The following TENM1 variants were observed in gnomAD, a reference collection of about 807,000 sequenced individuals.
TENM1 encodes teneurin transmembrane protein 1.
In TENM1, 35 loss-of-function variants were observed where a neutral mutation model predicts 174.8. The ratio of observed to expected loss-of-function variants is 0.20; its 90% CI spans 0.15 to 0.27. The LOEUF is 0.27. Ranked by LOEUF, TENM1 falls within the 10% of genes least tolerant of loss-of-function variation. The pLI, the probability that TENM1 is intolerant of heterozygous loss-of-function variation, is 1.00. For synonymous variants in TENM1, 781 were observed against 798.7 expected (o/e 0.98, Z 0.37); for missense variants, 1,633 against 2,130.1 (o/e 0.77, Z 4.59).
intron 1 of TENM1, among the ~76,000 whole-genome samples, chrX:124,949,196 A>T (rs2058446004): frequency 9.0e-6 from 1 of 111,599 alleles, no homozygotes; most frequent in African/African-American, 3.3e-5. Flanking sequence ...TGTTAAAAGC[A>T]TCTGTGAAAG....
At chrX:124,572,020 C>A (rs2049065325) in intron 11 of TENM1, among the ~76,000 whole-genome samples, 1 of 109,922 alleles carries the variant, frequency 9.1e-6, no homozygotes, top group African/African-American at 3.3e-5. Context: ...AACTCTTGAG[C>A]CCAAGTGATT....
At chrX:124,436,836 CT>C (rs755295845) in intron 23 of TENM1, among the ~76,000 whole-genome samples, 27 of 110,023 alleles carry the variant, frequency 2.5e-4, no homozygotes, top group Non-Finnish European at 4.0e-4. Flanking sequence ...ATCTCTATCT[CT>C]TGTTTTTTTC....
chrX:125,099,205 T>C, the TENM1 span, among the ~76,000 whole-genome samples: 2 of 112,034 alleles, frequency 1.8e-5, no homozygotes, highest in Non-Finnish European at 3.8e-5. Flanking sequence ...AGGTTTTTGC[T>C]AGTTTGTCTG....
the TENM1 span, among the ~76,000 whole-genome samples, chrX:124,992,512 C>A: frequency 9.0e-6 from 1 of 111,508 alleles, no homozygotes; most frequent in Admixed American, 9.6e-5. Flanking sequence ...GAAACAATAA[C>A]CCCCTTTCTC....
chrX:124,661,820 T>C (rs2051609059), intron 6 of TENM1, among the ~76,000 whole-genome samples: 1 of 111,696 alleles, frequency 9.0e-6, no homozygotes, highest in African/African-American at 3.3e-5. Flanking sequence ...ACTTGCCATA[T>C]TGCTATAGCC....
rs756573807 is a variant in TENM1, at chrX:124,768,025, A to C, written c.536-30828T>G. On this transcript the variant is annotated intron_variant, in intron 3 of 31. Coordinates refer to ENST00000422452, the Ensembl canonical transcript of TENM1. ...AATGTGTCTATCTCTCCTCTGAGGG[A>C]TTTTAAAAATTGTTGCTCTGAAAAC... Among the ~76,000 whole-genome samples the C allele has an allele frequency of 2.0e-3, 219 of 111,534 alleles. 1 individual carries two copies. Among genetic ancestry groups the C allele is most frequent in the African/African-American group, 6.6e-3 (202 of 30,750 alleles).
At chrX:124,827,106 A>G (rs1250194056) in intron 3 of TENM1, among the ~76,000 whole-genome samples, 2 of 111,679 alleles carry the variant, frequency 1.8e-5, no homozygotes, top group African/African-American at 6.5e-5. Flanking sequence ...GCTGGAGTGC[A>G]GTGGCGCGAT....
chrX:124,463,786 C>T (rs1296931958), intron 22 of TENM1, among the ~76,000 whole-genome samples: 1 of 108,534 alleles, frequency 9.2e-6, no homozygotes, highest in Non-Finnish European at 1.9e-5. Flanking sequence ...ACAGTGAAAC[C>T]AGACACTGAT....
intron 3 of TENM1, among the ~76,000 whole-genome samples, chrX:124,779,041 C>T (rs771130395): frequency 1.6e-3 from 175 of 111,476 alleles, no homozygotes; most frequent in Non-Finnish European, 2.4e-3. Context: ...ATTGGAGATA[C>T]TAGGGATCGT....
chrX:124,619,288 T>C (rs1246525014), intron 11 of TENM1, among the ~76,000 whole-genome samples: 1 of 111,876 alleles, frequency 8.9e-6, no homozygotes, highest in Non-Finnish European at 1.9e-5. Context: ...TTTACATTAA[T>C]AAATGCATGT....
At chrX:125,157,165 T>A in the TENM1 span, among the ~76,000 whole-genome samples, 1 of 112,326 alleles carries the variant, frequency 8.9e-6, no homozygotes, top group African/African-American at 3.2e-5. Flanking sequence ...CTTTATTTTT[T>A]AAAACTCTCC....
At chrX:124,377,901 C>A (rs1210009503) in exon 32 of TENM1, 2 of 112,046 alleles carry the variant, frequency 1.8e-5, no homozygotes, top group African/African-American at 6.5e-5. Flanking sequence ...TTCTATTCAG[C>A]TGAATAGGAA....
intron 11 of TENM1, among the ~76,000 whole-genome samples, chrX:124,604,443 A>G (rs767949346): frequency 2.7e-5 from 3 of 111,571 alleles, no homozygotes; most frequent in African/African-American, 9.7e-5. Context: ...TTCAAGGGAT[A>G]GAGTTCTTTA....
chrX:124,471,138 T>C (rs1322092155), intron 22 of TENM1, among the ~76,000 whole-genome samples: 1 of 83,512 alleles, frequency 1.2e-5, no homozygotes, highest in African/African-American at 4.5e-5. Flanking sequence ...TAATATATAG[T>C]AATATATAAT....
At chrX:124,600,199 A>G (rs1040423928) in intron 11 of TENM1, among the ~76,000 whole-genome samples, 3 of 110,605 alleles carry the variant, frequency 2.7e-5, no homozygotes, top group African/African-American at 9.9e-5. Context: ...TCCTTAGAGA[A>G]ATGCCTGATT....
chrX:124,628,818 G>A (rs2050695698), intron 11 of TENM1, among the ~76,000 whole-genome samples: 1 of 112,152 alleles, frequency 8.9e-6, no homozygotes, highest in Non-Finnish European at 1.9e-5. Flanking sequence ...ACATGACTAA[G>A]TTATCGATCA....
chrX:124,561,724 C>T, exon 14 of TENM1: 1 of 1,211,145 alleles, frequency 8.3e-7, no homozygotes, highest in South Asian at 1.8e-5. Context: ...AACATTGCAG[C>T]CTGTCCCACT....
Position 124,477,436 on chromosome X carries a change from T to C in TENM1, c.3949+4296A>G, listed in dbSNP as rs191596921. Among the ~76,000 whole-genome samples the C allele has an allele frequency of 4.2e-4, 47 of 111,892 alleles. 1 individual carries two copies. Among genetic ancestry groups the C allele is most frequent in the African/African-American group, 1.2e-3 (38 of 31,211 alleles). On this transcript the variant is annotated intron_variant, in intron 22 of 31. Transcript: ENST00000422452. ...GTCCTCAGATTGAAAAGCATTTTTT[T>C]CCCCCAATATTTCCAACCTTCCCAG...
the TENM1 span, among the ~76,000 whole-genome samples, chrX:125,023,199 C>A: frequency 9.0e-6 from 1 of 110,912 alleles, no homozygotes; most frequent in Non-Finnish European, 1.9e-5. Context: ...GGCGGTTTCT[C>A]CCATGCTATT....
Sources: allele counts gnomAD v4.1 joint callset (sites outside exome capture counted in the v4.1 genomes callset), GRCh38; gene constraint gnomAD v4.1.1; transcripts MANE v1.5; gene names NCBI Gene and HGNC (gene_info 2026-07-23, HGNC 2026-07-21).